Variants in RPRD2 observed in about 807,000 individuals in gnomAD.
The protein encoded by RPRD2 is regulation of nuclear pre-mRNA domain-containing protein 2.
In RPRD2, 12 loss-of-function variants were observed where a neutral mutation model predicts 104.4. The observed-to-expected ratio is 0.11, with a 90% CI of 0.07 to 0.19. The LOEUF (loss-of-function observed/expected upper bound fraction) is 0.19, where lower values mean the gene tolerates loss of function less well. Among genes scored for constraint, RPRD2 ranks in the 10% least tolerant of loss-of-function variants. RPRD2 has a pLI of 1.00. For synonymous variants in RPRD2, 714 were observed against 684.9 expected (o/e 1.04, Z -0.66); for missense variants, 1,543 against 1,790.1 (o/e 0.86, Z 2.49).
chr1:150,451,095 A>G (rs1483906318), intron 7 of RPRD2, among the ~76,000 whole-genome samples: 1 of 152,030 alleles, frequency 6.6e-6, no homozygotes, highest in African/African-American at 2.4e-5. Flanking sequence ...TTTCTCCTTG[A>G]TTTTCGTGAC....
chr1:150,386,545 C>G (rs1661582273), intron 1 of RPRD2, among the ~76,000 whole-genome samples: 1 of 152,198 alleles, frequency 6.6e-6, no homozygotes, highest in African/African-American at 2.4e-5. Context: ...ACACCTCAAT[C>G]TGTGGTACAT....
chr1:150,454,783 G>A (rs587682784), intron 7 of RPRD2, among the ~76,000 whole-genome samples: 17 of 152,270 alleles, frequency 1.1e-4, no homozygotes, highest in African/African-American at 4.1e-4. Flanking sequence ...GGGAGGTGGA[G>A]GTTGCAGTGA....
At chr1:150,397,474 TC>T (rs1399956099) in intron 1 of RPRD2, among the ~76,000 whole-genome samples, 19 of 152,144 alleles carry the variant, frequency 1.2e-4, no homozygotes, top group Non-Finnish European at 5.9e-5. Context: ...CCCAAATTCT[TC>T]CCCATTTTTA....
At chr1:150,390,673 AT>A (rs1235236906) in intron 1 of RPRD2, among the ~76,000 whole-genome samples, 4 of 152,222 alleles carry the variant, frequency 2.6e-5, no homozygotes, top group African/African-American at 9.6e-5. Flanking sequence ...TTAGTGGATG[AT>A]TTGAACAACA....
chr1:150,393,462 A>AT (rs1553883571), intron 1 of RPRD2, among the ~76,000 whole-genome samples: 9 of 150,590 alleles, frequency 6.0e-5, no homozygotes, highest in African/African-American at 2.2e-4. Flanking sequence ...CTCAAAAAAA[A>AT]AAAAAAAAAA....
intron 7 of RPRD2, among the ~76,000 whole-genome samples, chr1:150,448,753 GT>G (rs1161675334): frequency 4.6e-5 from 7 of 151,970 alleles, no homozygotes; most frequent in Admixed American, 3.9e-4. Flanking sequence ...TTCCCCCTGG[GT>G]CCTCCCTACC....
chr1:150,453,142 C>T lies in RPRD2; in HGVS notation c.871-4146C>T, dbSNP rs369315508. ...CTGTCTCCCGGGTTCAAGCGATTCT[C>T]CTGCCTCAGCCTCCTGAGTAGCTGG... is the stretch of plus-strand genomic sequence containing the variant. On this transcript the variant is annotated intron_variant, in intron 7 of 10. Transcript: ENST00000369068. Among the ~76,000 whole-genome samples, 41 of 151,878 alleles carry T rather than the reference C, an allele frequency of 2.7e-4. No homozygotes were observed. The East Asian group carries it at 6.6e-3, about 24-fold the overall frequency.
intron 1 of RPRD2, among the ~76,000 whole-genome samples, chr1:150,378,786 C>T (rs1553880104): frequency 6.6e-6 from 1 of 151,768 alleles, no homozygotes; most frequent in Non-Finnish European, 1.5e-5. Context: ...AGTTCGAGAC[C>T]AGCCTGGCCA....
rs1553895469 is a variant in RPRD2, at chr1:150,446,285, G to C, written c.754G>C (p.Glu252Gln). ...EFEEASSKLE[E>Q]FVNGLDKQVK... ...TGAAGAGGCAAGCTCCAAGCTGGAA[G>C]AATTTGTGAATGGATTAGATAAGCA... is the stretch of plus-strand genomic sequence containing the variant. The change falls in exon 7 of 11, where the codon GAA (glutamate) becomes CAA (glutamine). Residue 252 changes from glutamate to glutamine, a missense_variant. Physicochemically the swap from Glu to Gln is conservative, Grantham distance 29. This residue lies in a region of RPRD2 where 572 missense variants were observed against 787.3 expected (regional missense o/e 0.73). Transcript: ENST00000369068. 1 of 1,609,934 alleles carries C rather than the reference G, an allele frequency of 6.2e-7. No homozygotes were observed. Among genetic ancestry groups the C allele is most frequent in the Non-Finnish European group, 8.5e-7 (1 of 1,178,982 alleles).
intron 7 of RPRD2, among the ~76,000 whole-genome samples, chr1:150,456,992 G>A (rs1326527268): frequency 5.3e-5 from 8 of 151,888 alleles, no homozygotes; most frequent in Non-Finnish European, 1.0e-4. Flanking sequence ...GGGAGGCTGA[G>A]GCGTGTGGAT....
chr1:150,407,863 G>A (rs1470738736), intron 1 of RPRD2, among the ~76,000 whole-genome samples: 1 of 152,156 alleles, frequency 6.6e-6, no homozygotes. Flanking sequence ...ATTGAAGCCA[G>A]AGGGTATGTT....
At chr1:150,461,826 A>G (rs1161367791) in intron 9 of RPRD2, among the ~76,000 whole-genome samples, 1 of 151,936 alleles carries the variant, frequency 6.6e-6, no homozygotes, top group African/African-American at 2.4e-5. Flanking sequence ...TAAAAATACA[A>G]AAAAATAGCC....
intron 1 of RPRD2, among the ~76,000 whole-genome samples, chr1:150,403,655 A>ATT (rs113063728): frequency 1.5e-4 from 22 of 150,798 alleles, no homozygotes; most frequent in African/African-American, 3.9e-4. Context: ...TTTACCCAAT[A>ATT]TTTTTTTTTG....
chr1:150,368,276 T>C (rs1553877557), intron 1 of RPRD2, among the ~76,000 whole-genome samples: 1 of 150,400 alleles, frequency 6.6e-6, no homozygotes, highest in African/African-American at 2.4e-5. Context: ...GTTTTTTATT[T>C]ATTTTAAATT....
At chr1:150,375,576 T>G (rs1324594119) in intron 1 of RPRD2, among the ~76,000 whole-genome samples, 1 of 152,204 alleles carries the variant, frequency 6.6e-6, no homozygotes, top group African/African-American at 2.4e-5. Flanking sequence ...GTTATCAGCT[T>G]CCTTGGGTTG....
intron 2 of RPRD2, among the ~76,000 whole-genome samples, chr1:150,434,901 CAGAAT>C (rs1312490617): frequency 2.0e-5 from 3 of 152,116 alleles, no homozygotes; most frequent in Non-Finnish European, 2.9e-5. Flanking sequence ...GTGAAAATAA[CAGAAT>C]AGAATTTTTT....
intron 1 of RPRD2, among the ~76,000 whole-genome samples, chr1:150,393,152 G>A (rs1191316899): frequency 3.3e-5 from 5 of 151,994 alleles, no homozygotes; most frequent in African/African-American, 1.2e-4. Context: ...CATGAATAAA[G>A]ACGTTAAGAC....
At chr1:150,370,933 T>A (rs782045475) in intron 1 of RPRD2, among the ~76,000 whole-genome samples, 19 of 152,340 alleles carry the variant, frequency 1.2e-4, no homozygotes, top group Non-Finnish European at 2.1e-4. Flanking sequence ...ACACACCACC[T>A]TTCTACTGAT....
At chr1:150,418,959 C>G (rs1553889086) in intron 2 of RPRD2, among the ~76,000 whole-genome samples, 1 of 152,158 alleles carries the variant, frequency 6.6e-6, no homozygotes, top group African/African-American at 2.4e-5. Flanking sequence ...TTGCAGTAAG[C>G]CGAGATCACG....
Sources: allele counts gnomAD v4.1 joint callset (sites outside exome capture counted in the v4.1 genomes callset), GRCh38; gene constraint gnomAD v4.1.1; regional missense constraint gnomAD v4.1.1; transcripts MANE v1.5; gene names NCBI Gene and HGNC (gene_info 2026-07-23, HGNC 2026-07-21).